Variants in NDNF observed in about 807,000 individuals in gnomAD.
The protein encoded by NDNF is neuron derived neurotrophic factor.
NDNF carries 16 observed loss-of-function variants against 42.0 expected under a neutral mutation model. The observed-to-expected ratio is 0.38, with a 90% CI of 0.26 to 0.58. NDNF has a LOEUF of 0.58. Ranked by LOEUF, NDNF falls within the 20% of genes least tolerant of loss-of-function variation. The pLI, the probability that NDNF is intolerant of heterozygous loss-of-function variation, is 0.67. For missense variants in NDNF, 616 were observed against 666.2 expected, an observed-to-expected ratio of 0.92 and a Z score of 0.83; for synonymous variants, 248 against 251.7, an observed-to-expected ratio of 0.99 and a Z score of 0.14.
At chr4:121,069,803 C>T (rs1445824998) in intron 1 of NDNF, among the ~76,000 whole-genome samples, 3 of 152,162 alleles carry the variant, frequency 2.0e-5, no homozygotes, top group African/African-American at 7.2e-5. Flanking sequence ...AACTCCTAGG[C>T]CCCTCATTCC....
intron 1 of NDNF, among the ~76,000 whole-genome samples, chr4:121,046,997 G>T (rs1727105773): frequency 6.6e-6 from 1 of 152,110 alleles, no homozygotes; most frequent in Non-Finnish European, 1.5e-5. Flanking sequence ...AAGCATTAGA[G>T]AAATATAGTG....
At chr4:121,055,499 G>T (rs911309394) in intron 1 of NDNF, among the ~76,000 whole-genome samples, 7 of 152,156 alleles carry the variant, frequency 4.6e-5, no homozygotes, top group Non-Finnish European at 1.0e-4. Flanking sequence ...TGGAAGAAAT[G>T]AGAGAAATAA....
chr4:121,055,822 C>T (rs545687737), intron 1 of NDNF, among the ~76,000 whole-genome samples: 3 of 151,872 alleles, frequency 2.0e-5, no homozygotes, highest in South Asian at 2.1e-4. Flanking sequence ...CACACACACA[C>T]GCACCCCAGA....
chr4:121,054,527 G>A (rs1727251875), intron 1 of NDNF, among the ~76,000 whole-genome samples: 1 of 152,204 alleles, frequency 6.6e-6, no homozygotes, highest in South Asian at 2.1e-4. Flanking sequence ...GTGTGGTGAT[G>A]GGCATTTTAG....
At position 121,065,743 on chromosome 4, in the gene NDNF, T is replaced by C. The variant is rs552991393; in HGVS notation, c.-2+6250A>G. ...ACACACACACACACACACACACATA[T>C]ATTTTACATATGTTTTATACATATA... On this transcript the variant is annotated intron_variant, in intron 1 of 3. Transcript: ENST00000379692. 2.2e-3 allele frequency among the ~76,000 whole-genome samples: 335 copies of C among 151,580 alleles called. 1 individual carries two copies. The highest frequency in any genetic ancestry group is 7.2e-3 in the African/African-American group (300 of 41,454).
chr4:121,061,860 G>T (rs1727417962), intron 1 of NDNF, among the ~76,000 whole-genome samples: 1 of 152,148 alleles, frequency 6.6e-6, no homozygotes, highest in African/African-American at 2.4e-5. Flanking sequence ...ACCATGATCG[G>T]CTTTGGTACT....
intron 2 of NDNF, among the ~76,000 whole-genome samples, chr4:121,045,235 C>G (rs1413445254): frequency 1.3e-5 from 2 of 152,022 alleles, no homozygotes; most frequent in South Asian, 4.2e-4. Flanking sequence ...GCCTGTAGTC[C>G]CAGCTACTCG....
chr4:121,047,727 T>C (rs1037617345), intron 1 of NDNF, among the ~76,000 whole-genome samples: 5 of 152,328 alleles, frequency 3.3e-5, no homozygotes, highest in African/African-American at 1.2e-4. Context: ...GGGTGATCTA[T>C]AATCAGCAAT....
chr4:121,057,862 GCTC>G (rs1325978741), intron 1 of NDNF, among the ~76,000 whole-genome samples: 62 of 152,286 alleles, frequency 4.1e-4, no homozygotes, highest in Admixed American at 1.2e-3. Context: ...TGCTATCTGA[GCTC>G]TCCCTGTACA....
intron 1 of NDNF, among the ~76,000 whole-genome samples, chr4:121,067,020 T>C (rs943292322): frequency 1.3e-5 from 2 of 152,208 alleles, no homozygotes; most frequent in African/African-American, 4.8e-5. Flanking sequence ...AAAGCAAACG[T>C]GCATGCATGT....
chr4:121,054,013 T>C (rs562650260), intron 1 of NDNF, among the ~76,000 whole-genome samples: 83 of 152,288 alleles, frequency 5.5e-4, no homozygotes, highest in South Asian at 1.0e-3. Context: ...TGAATTGTTG[T>C]GGTCAATAAA....
chr4:121,060,092 A>C (rs1307257365), intron 1 of NDNF, among the ~76,000 whole-genome samples: 2 of 152,176 alleles, frequency 1.3e-5, no homozygotes, highest in Non-Finnish European at 2.9e-5. Context: ...GTATGAATGA[A>C]AGACATTGCC....
chr4:121,039,506 A>G (rs1438985314), intron 3 of NDNF, among the ~76,000 whole-genome samples: 3 of 151,862 alleles, frequency 2.0e-5, no homozygotes, highest in African/African-American at 7.3e-5. Context: ...GAGGTTCTTA[A>G]CCTTGGCTGT....
At chr4:121,051,360 C>G (rs1323966550) in intron 1 of NDNF, among the ~76,000 whole-genome samples, 1 of 152,062 alleles carries the variant, frequency 6.6e-6, no homozygotes, top group African/African-American at 2.4e-5. Flanking sequence ...CAATTCTAAG[C>G]CTTTCTTTAG....
At chr4:121,052,964 T>C (rs767184911) in intron 1 of NDNF, among the ~76,000 whole-genome samples, 4 of 151,828 alleles carry the variant, frequency 2.6e-5, no homozygotes, top group Non-Finnish European at 5.9e-5. Flanking sequence ...CCCTGACGAG[T>C]GGTCTCTGGC....
chr4:121,068,395 A>G (rs1727535391), intron 1 of NDNF, among the ~76,000 whole-genome samples: 1 of 152,190 alleles, frequency 6.6e-6, no homozygotes, highest in South Asian at 2.1e-4. Flanking sequence ...GGGGTTTACT[A>G]TTTACTATCA....
intron 1 of NDNF, among the ~76,000 whole-genome samples, chr4:121,049,232 G>C (rs1471102486): frequency 6.6e-6 from 1 of 152,220 alleles, no homozygotes; most frequent in Non-Finnish European, 1.5e-5. Context: ...GCAAGTACTT[G>C]GGAGCAGAAG....
intron 3 of NDNF, chr4:121,039,120 C>T (rs531005916): frequency 1.8e-5 from 2 of 112,772 alleles, no homozygotes; most frequent in African/African-American, 6.1e-5. Flanking sequence ...TTTGTAGATA[C>T]GTATACATAG....
intron 1 of NDNF, among the ~76,000 whole-genome samples, chr4:121,046,858 T>C (rs1727102651): frequency 1.3e-5 from 2 of 152,196 alleles, no homozygotes; most frequent in South Asian, 4.1e-4. Context: ...GCAAGTTCCT[T>C]GACATGACAG....
Sources: gnomAD v4.1 joint callset for allele counts (sites outside exome capture counted in the v4.1 genomes callset) on GRCh38, gnomAD v4.1.1 for gene constraint, MANE v1.5 for transcripts, NCBI Gene and HGNC (gene_info 2026-07-23, HGNC 2026-07-21) for gene names.